EVC2: variants seen among roughly 807,000 people sequenced by gnomAD.
EVC2 encodes the protein EvC ciliary complex subunit 2, also known as limbin.
In EVC2, 148 loss-of-function variants were observed where a neutral mutation model predicts 149.3. The observed-to-expected ratio is 0.99, with a 90% confidence interval of 0.87 to 1.14. The LOEUF is 1.14. EVC2 is among the 50% of genes most tolerant of loss of function. EVC2 has a pLI of 0.00. For missense variants in EVC2, 1,854 were observed against 1,627.3 expected (o/e 1.14, Z -2.40); for synonymous variants, 776 against 649.9 (o/e 1.19, Z -2.95).
At chr4:5,691,414 AT>A in intron 3 of EVC2, 81 bp from the exon 4 acceptor site, 1 of 1,166,050 alleles carries the variant, frequency 8.6e-7, no homozygotes, top group Non-Finnish European at 1.3e-6. Context: ...AGATAATGAA[AT>A]TTTTACAGAG....
At chr4:5,529,819 T>A in the EVC2 span, among the ~76,000 whole-genome samples, 1 of 150,290 alleles carries the variant, frequency 6.7e-6, no homozygotes, top group Non-Finnish European at 1.5e-5. The surrounding 1 kb of genome is among the most constrained non-coding windows in gnomAD (Gnocchi z 4.5). Context: ...ATTTAGGTTT[T>A]TTTTTTTTTT....
Position 5,631,569 on chromosome 4 carries a change from G to GGT in EVC2, c.1710+223_1710+224insAC, listed in dbSNP as rs1491141991. Among the ~76,000 whole-genome samples the GGT allele has an allele frequency of 1.5e-4, 18 of 123,926 alleles. No individual in the cohort carries two copies. In the East Asian group the frequency reaches 2.1e-3, roughly 14 times the overall value. 81.3% of individuals were successfully genotyped at this position (123,926 alleles called of 152,430 possible). ...TTGCTCAAGTTCACGCAGTAGACTG[G>GGT]GGGGGGGAACTGAAATTCCAATCCA... On this transcript the variant is annotated intron_variant, in intron 11 of 21. Transcript: ENST00000344408.
At position 5,697,898 on chromosome 4, in the gene EVC2, A is replaced by C. The variant is rs190518332; in HGVS notation, c.229-251T>G. ...GTAGCTGGGACTACAGGCGCCCACC[A>C]CCACGCCCAGCTAATTTTTTTGTTT... On this transcript the variant is annotated intron_variant, in intron 1 of 21. Transcript: ENST00000344408. Among the ~76,000 whole-genome samples the C allele has an allele frequency of 5.6e-3, 857 of 151,816 alleles. 7 individuals are homozygous for C. Among genetic ancestry groups the C allele is most frequent in the African/African-American group, 0.02 (815 of 41,382 alleles).
chr4:5,581,023 C>A (rs562614763), intron 17 of EVC2, among the ~76,000 whole-genome samples: 4 of 152,304 alleles, frequency 2.6e-5, no homozygotes, highest in African/African-American at 9.6e-5. Flanking sequence ...CCTCTTTTCC[C>A]TCTGCCTTCT....
rs779535618 is a variant in EVC2, at chr4:5,567,213, G to A, written c.3557+1231C>T. On this transcript the variant is annotated intron_variant, in intron 20 of 21. Transcript: ENST00000344408. The surrounding 1 kb of genome is among the most constrained non-coding windows in gnomAD (Gnocchi z 4.4). ...ACAACCCACTTCCTGACTATACTGG[G>A]CCCCAAGGCCACTAGGAAGGCTCTT... Among the ~76,000 whole-genome samples the A allele has an allele frequency of 2.6e-5, 4 of 151,910 alleles. No homozygotes were observed. Among genetic ancestry groups the A allele is most frequent in the Non-Finnish European group, 5.9e-5 (4 of 67,990 alleles).
rs543987388 is a variant in EVC2 at position 5,679,169 on chromosome 4, T to C, written c.870+2091A>G. 6.6e-6 allele frequency among the ~76,000 whole-genome samples: 1 copy of C among 152,240 alleles called. No individual in the cohort carries two copies. The highest frequency in any genetic ancestry group is 2.1e-4 in the South Asian group (1 of 4,820). On this transcript the variant is annotated intron_variant, in intron 7 of 21. Transcript: ENST00000344408. This position sits in a 1 kb window ranked among gnomAD's most constrained non-coding sequence, Gnocchi z 5.1. ...TCAGTGAGTGAGTGGTGAGTGAATG[T>C]GAAGGCGTAGGGTATGACTGTACAC...
At chr4:5,627,289 A>T (rs1258266656) in intron 12 of EVC2, among the ~76,000 whole-genome samples, 1 of 152,220 alleles carries the variant, frequency 6.6e-6, no homozygotes, top group African/African-American at 2.4e-5. Flanking sequence ...ATAGAATTTG[A>T]AAAGAAGAGA....
Position 5,667,997 on chromosome 4 carries a change from C to G in EVC2, c.871-2348G>C, listed in dbSNP as rs1719385111. ...TGTAAGCAAGCTTTTCTAAGGATAGCAGCCTTCGGTTTGATATGCTAACTC... is the reference window on the plus strand; with the variant it reads ...TGTAAGCAAGCTTTTCTAAGGATAGGAGCCTTCGGTTTGATATGCTAACTC... On this transcript the variant is annotated intron_variant, in intron 7 of 21. Coordinates refer to ENST00000344408, the MANE Select transcript of EVC2 (RefSeq NM_147127.5). Among the ~76,000 whole-genome samples, 5 of 152,224 alleles carry G rather than the reference C, an allele frequency of 3.3e-5. No individual in the cohort carries two copies. In the South Asian group the frequency reaches 1.0e-3, roughly 32 times the overall value.
At chr4:5,699,643 A>AG (rs71171412) in intron 1 of EVC2, among the ~76,000 whole-genome samples, 1 of 23,502 alleles carries the variant, frequency 4.3e-5, no homozygotes, top group Non-Finnish European at 1.1e-4. Flanking sequence ...CCATCTCTAC[A>AG]AAAAAAAAAA....
At chr4:5,694,288 T>C in intron 3 of EVC2, 47 bp downstream of exon 3, 1 of 1,606,214 alleles carries the variant, frequency 6.2e-7, no homozygotes, top group Non-Finnish European at 8.5e-7. Context: ...AATTGGTTTA[T>C]TTCCAACTTC....
At chr4:5,580,798 A>ATATGGTATGG (rs57212531) in intron 17 of EVC2, among the ~76,000 whole-genome samples, 327 of 152,262 alleles carry the variant, frequency 2.1e-3, no homozygotes, top group African/African-American at 7.5e-3. Flanking sequence ...TTAAAGACTG[A>ATATGGTATGG]ATTTGTCATG....
downstream of EVC2, among the ~76,000 whole-genome samples, chr4:5,539,054 T>A (rs900369390): frequency 2.6e-5 from 4 of 152,104 alleles, no homozygotes; most frequent in Non-Finnish European, 4.4e-5. Flanking sequence ...GAAAACCTGA[T>A]AGAATCCACA....
downstream of EVC2, among the ~76,000 whole-genome samples, chr4:5,540,196 G>C (rs1438241145): frequency 6.6e-6 from 1 of 152,206 alleles, no homozygotes; most frequent in East Asian, 1.9e-4. Context: ...AGGTGTGTGA[G>C]AATGTGGAGG....
chr4:5,618,547 TTGC>T lies in EVC2; in HGVS notation c.2634_2636del (p.Gln879del). ...CTGCTTCTCGCCACGCAGTCTGAAA[TTGC>T]TGCAGCAGAACTCGGGCCCGGATCT... is the stretch of plus-strand genomic sequence containing the variant. On this transcript the variant is annotated inframe_deletion, in exon 15 of 22. Transcript: ENST00000344408. The surrounding 1 kb of genome is among the most constrained non-coding windows in gnomAD (Gnocchi z 4.4). 6.2e-7 allele frequency: 1 copy of T among 1,614,110 alleles called. No homozygotes were observed. The highest frequency in any genetic ancestry group is 1.3e-5 in the African/African-American group (1 of 75,042).
At chr4:5,650,973 A>G (rs1191992967) in intron 9 of EVC2, among the ~76,000 whole-genome samples, 1 of 152,138 alleles carries the variant, frequency 6.6e-6, no homozygotes, top group Non-Finnish European at 1.5e-5. Context: ...CTTTCTTGAT[A>G]TCATTTTTTA....
At chr4:5,616,514 T>G (rs537221648) in intron 15 of EVC2, among the ~76,000 whole-genome samples, 109 of 152,218 alleles carry the variant, frequency 7.2e-4, no homozygotes, top group Non-Finnish European at 1.1e-3. Flanking sequence ...GACACAACGG[T>G]GGGTGAGAAC....
At position 5,614,084 on chromosome 4, in the gene EVC2, C is replaced by T. The variant is rs2108826862; in HGVS notation, c.2829+1338G>A. Among the ~76,000 whole-genome samples, 1 of 152,332 alleles carries T rather than the reference C, an allele frequency of 6.6e-6. No individual in the cohort carries two copies. Among genetic ancestry groups the T allele is most frequent in the South Asian group, 2.1e-4 (1 of 4,826 alleles). ...TGAACATACTCCTGTTGGGAATCCACCCTTTGCAGGGTGCTGGGGAAGGCA... is the reference window on the plus strand; with the variant it reads ...TGAACATACTCCTGTTGGGAATCCATCCTTTGCAGGGTGCTGGGGAAGGCA... On this transcript the variant is annotated intron_variant, in intron 16 of 21. Transcript: ENST00000344408. The surrounding 1 kb of genome is among the most constrained non-coding windows in gnomAD (Gnocchi z 4.7).
chr4:5,688,403 G>A (rs747579608), intron 5 of EVC2, among the ~76,000 whole-genome samples: 103 of 152,082 alleles, frequency 6.8e-4, no homozygotes, highest in Non-Finnish European at 1.2e-3. Context: ...CCTTGACAGC[G>A]GCCAGCCCTA....
In EVC2 at chr4:5,708,507, G is replaced by A. The variant is rs1413875487; in HGVS notation, c.7C>T (p.Pro3Ser). The change falls in exon 1 of 22, where the codon CCC becomes TCC. Residue 3 changes from proline to serine, a missense_variant. Transcript: ENST00000344408. The stretch of plus-strand genomic sequence containing the variant: ...GTGGGGCGCCCCCGGGAGCCCGAGG[G>A]GTCCATCGCCTGTCGGGACCCGCTA... Reference protein sequence around the residue: MDPSGSRGRPTWV... With the variant: MDSSGSRGRPTWV... 2 of 1,474,744 alleles carry A rather than the reference G, an allele frequency of 1.4e-6. No homozygotes were observed. Among genetic ancestry groups the A allele is most frequent in the African/African-American group, 1.5e-5 (1 of 67,970 alleles). The allele number at this position is 1,474,744 out of a possible 1,614,324, so 91.4% of individuals were successfully genotyped here. A position where few individuals can be genotyped will look rare whatever the true frequency, so the allele number is the denominator to read the frequency against.
Sources: gnomAD v4.1 joint callset for allele counts (sites outside exome capture counted in the v4.1 genomes callset) on GRCh38, gnomAD v4.1.1 for gene constraint, Gnocchi (gnomAD v3.1) non-coding constraint, MANE v1.5 for transcripts, NCBI Gene and HGNC (gene_info 2026-07-23, HGNC 2026-07-21) for gene names.